Variants in KCNIP4 observed in about 807,000 individuals in gnomAD.
The protein encoded by KCNIP4 is potassium voltage-gated channel interacting protein 4.
A neutral mutation model predicts 34.0 loss-of-function variants in KCNIP4; 12 were observed. That is an observed-to-expected ratio of 0.35 (90% CI 0.23 to 0.57). The LOEUF (loss-of-function observed/expected upper bound fraction) is 0.57, where lower values mean the gene tolerates loss of function less well. Among genes scored for constraint, KCNIP4 ranks in the 20% least tolerant of loss-of-function variants. The probability of loss-of-function intolerance (pLI) is 0.83; values close to 1 mark genes in which losing one functional copy is unlikely to be tolerated. For missense variants in KCNIP4, 238 were observed against 311.7 expected, an observed-to-expected ratio of 0.76 and a Z score of 1.78; for synonymous variants, 124 against 102.2, an observed-to-expected ratio of 1.21 and a Z score of -1.29.
At chr4:21,718,403 A>C (rs1714548454) in intron 1 of KCNIP4, 1 of 152,168 alleles carries the variant, frequency 6.6e-6, no homozygotes, top group African/African-American at 2.4e-5. Flanking sequence ...TAAACATTTT[A>C]TGAATATTAA....
chr4:20,768,077 T>C (rs1348195020), intron 3 of KCNIP4, among the ~76,000 whole-genome samples: 3 of 152,234 alleles, frequency 2.0e-5, no homozygotes, highest in Non-Finnish European at 4.4e-5. Flanking sequence ...GACACAATCC[T>C]ACAACCTGTG....
intron 1 of KCNIP4, among the ~76,000 whole-genome samples, chr4:21,796,239 A>AT (rs997901607): frequency 6.6e-6 from 1 of 152,024 alleles, no homozygotes; most frequent in African/African-American, 2.4e-5. Flanking sequence ...TTCTTACACA[A>AT]TTTTTTCTCT....
intron 1 of KCNIP4, among the ~76,000 whole-genome samples, chr4:20,945,587 G>T (rs569849256): frequency 6.6e-6 from 1 of 152,156 alleles, no homozygotes; most frequent in Non-Finnish European, 1.5e-5. Flanking sequence ...ATGTGTACGT[G>T]TGTGAGTGTG....
intron 1 of KCNIP4, among the ~76,000 whole-genome samples, chr4:21,300,125 G>A (rs1457528067): frequency 1.3e-5 from 2 of 151,998 alleles, no homozygotes; most frequent in African/African-American, 2.4e-5. Flanking sequence ...TCTTAATTCA[G>A]TAACTGCTTC....
chr4:21,822,896 T>A (rs1246536862), intron 1 of KCNIP4, among the ~76,000 whole-genome samples: 3 of 152,010 alleles, frequency 2.0e-5, no homozygotes, highest in African/African-American at 7.2e-5. Flanking sequence ...TTTTGTAGTT[T>A]TAGTAGAGAC....
chr4:21,653,300 C>T (rs920931755), intron 1 of KCNIP4, among the ~76,000 whole-genome samples: 10 of 152,164 alleles, frequency 6.6e-5, no homozygotes, highest in Admixed American at 3.3e-4. Flanking sequence ...GCAGCATAAA[C>T]TCATCTTCAG....
At chr4:21,018,131 G>T (rs535820511) in intron 1 of KCNIP4, among the ~76,000 whole-genome samples, 72 of 152,142 alleles carry the variant, frequency 4.7e-4, no homozygotes, top group South Asian at 2.1e-3. Context: ...ATCCTCCAGG[G>T]TCCTGCATAG....
rs893305937 is a variant in KCNIP4, at chr4:21,651,108, A to G, written c.61+297463T>C. Reference sequence around the variant, plus strand: ...TGAACATGATCTCCTTTCTTTAAGTAAACTGTGCCAAATAACACAATCTAA... The same window carrying G: ...TGAACATGATCTCCTTTCTTTAAGTGAACTGTGCCAAATAACACAATCTAA... On this transcript the variant is annotated intron_variant, in intron 1 of 8. Transcript: ENST00000382152. Among the ~76,000 whole-genome samples, 5 of 152,146 alleles carry G rather than the reference A, an allele frequency of 3.3e-5. No homozygotes were observed. The South Asian group carries it at 1.0e-3, about 31-fold the overall frequency.
intron 1 of KCNIP4, among the ~76,000 whole-genome samples, chr4:21,830,337 C>G (rs976933855): frequency 7.9e-5 from 12 of 151,990 alleles, no homozygotes; most frequent in Non-Finnish European, 1.3e-4. Flanking sequence ...ACCTATAAAG[C>G]AAATATTAAC....
chr4:20,916,160 A>T (rs966691360), intron 1 of KCNIP4, among the ~76,000 whole-genome samples: 1 of 152,178 alleles, frequency 6.6e-6, no homozygotes, highest in African/African-American at 2.4e-5. Context: ...GTCATACCAC[A>T]ATCAGCTCTG....
intron 1 of KCNIP4, among the ~76,000 whole-genome samples, chr4:21,425,153 T>C (rs902851186): frequency 2.6e-5 from 4 of 152,182 alleles, no homozygotes; most frequent in African/African-American, 9.7e-5. Context: ...TGAAGGACTC[T>C]GGTTATATAT....
intron 1 of KCNIP4, among the ~76,000 whole-genome samples, chr4:21,286,612 C>T (rs979572687): frequency 1.3e-5 from 2 of 151,930 alleles, no homozygotes; most frequent in Non-Finnish European, 2.9e-5. Context: ...TGTCAGAAAC[C>T]GCTGTAAATT....
chr4:21,812,905 C>T (rs1721747186), intron 1 of KCNIP4, among the ~76,000 whole-genome samples: 2 of 152,138 alleles, frequency 1.3e-5, no homozygotes, highest in African/African-American at 4.8e-5. Flanking sequence ...ATATAGGATT[C>T]CTATGCCAGG....
At chr4:21,425,830 G>T (rs775419546) in intron 1 of KCNIP4, among the ~76,000 whole-genome samples, 10 of 152,056 alleles carry the variant, frequency 6.6e-5, no homozygotes, top group Non-Finnish European at 1.5e-4. Flanking sequence ...CAGTCAGATC[G>T]CTTAAGCCCA....
At chr4:20,999,107 A>C (rs1737826789) in intron 1 of KCNIP4, among the ~76,000 whole-genome samples, 1 of 152,224 alleles carries the variant, frequency 6.6e-6, no homozygotes, top group Admixed American at 6.5e-5. Context: ...GTTTTCTGAC[A>C]AAAAGACATC....
At chr4:20,772,786 C>T (rs1425617844) in intron 3 of KCNIP4, among the ~76,000 whole-genome samples, 1 of 151,828 alleles carries the variant, frequency 6.6e-6, no homozygotes, top group Non-Finnish European at 1.5e-5. Flanking sequence ...GGATTACAGG[C>T]GCCCGCCACG....
intron 1 of KCNIP4, among the ~76,000 whole-genome samples, chr4:21,060,123 TG>T (rs1743784480): frequency 6.6e-6 from 1 of 152,160 alleles, no homozygotes; most frequent in Non-Finnish European, 1.5e-5. Context: ...AGTTTCTTGG[TG>T]TTCTTTTCTG....
chr4:20,771,081 C>A (rs184640847), intron 3 of KCNIP4, among the ~76,000 whole-genome samples: 1 of 152,244 alleles, frequency 6.6e-6, no homozygotes, highest in East Asian at 1.9e-4. Context: ...AAATACTACA[C>A]CATTTCATAT....
At chr4:21,580,791 G>A (rs6844068) in intron 1 of KCNIP4, among the ~76,000 whole-genome samples, 9,921 of 152,066 alleles carry the variant, frequency 0.065, 476 homozygotes, top group African/African-American at 0.13. Flanking sequence ...ACCTTATACA[G>A]TGTCAAGGGG....
Sources: gnomAD v4.1 joint callset for allele counts (sites outside exome capture counted in the v4.1 genomes callset) on GRCh38, gnomAD v4.1.1 for gene constraint, MANE v1.5 for transcripts, NCBI Gene and HGNC (gene_info 2026-07-23, HGNC 2026-07-21) for gene names.